Variants in SLCO2A1 observed in about 807,000 individuals in gnomAD.
SLCO2A1 encodes solute carrier organic anion transporter family member 2A1.
Under a neutral mutation model 71.7 loss-of-function variants are expected in SLCO2A1, and 60 were observed. That is an observed-to-expected ratio of 0.84 (90% CI 0.68 to 1.04). The LOEUF (loss-of-function observed/expected upper bound fraction) is 1.04, where lower values mean the gene tolerates loss of function less well. Ranked by LOEUF, SLCO2A1 falls within the 50% of genes least tolerant of loss-of-function variation. The pLI, the probability that SLCO2A1 is intolerant of heterozygous loss-of-function variation, is 0.00. For missense variants in SLCO2A1, 745 were observed against 813.4 expected, an observed-to-expected ratio of 0.92 and a Z score of 1.02; for synonymous variants, 308 against 326.7, an observed-to-expected ratio of 0.94 and a Z score of 0.62.
At chr3:133,998,025 G>A (rs926908616) in intron 1 of SLCO2A1, among the ~76,000 whole-genome samples, 3 of 152,148 alleles carry the variant, frequency 2.0e-5, no homozygotes, top group African/African-American at 7.2e-5. Flanking sequence ...GCCAGGGATC[G>A]CTCATCAGAA....
chr3:133,953,639 T>C, intron 5 of SLCO2A1, 24 bp downstream of exon 5: 1 of 1,585,044 alleles, frequency 6.3e-7, no homozygotes, highest in East Asian at 2.2e-5. Context: ...GGGATGGGAA[T>C]GGGTGTCCTC....
At chr3:133,953,526 G>A in intron 5 of SLCO2A1, 137 bp downstream of exon 5, 1 of 675,148 alleles carries the variant, frequency 1.5e-6, no homozygotes, top group Non-Finnish European at 2.7e-6. Flanking sequence ...AGGGACTGCA[G>A]GGATGAGTGA....
rs114797138 is a variant in SLCO2A1 at position 133,974,534 on chromosome 3, G to A, written c.235-709C>T. 4.6e-3 allele frequency among the ~76,000 whole-genome samples: 704 copies of A among 152,260 alleles called. 1 individual carries two copies. Among genetic ancestry groups the A allele is most frequent in the Non-Finnish European group, 8.6e-3 (585 of 68,028 alleles). On this transcript the variant is annotated intron_variant, in intron 2 of 13. Transcript: ENST00000310926. ...CTGCTACTATCCTGCCCTTTCCCCT[G>A]CCTTGGTCTGTTTTCAATTCTGTGA... is the stretch of plus-strand genomic sequence containing the variant.
chr3:133,962,058 C>T lies in SLCO2A1; in HGVS notation c.398-6865G>A, dbSNP rs534210800. ...TAGCTCACTCTGGTCAGAATAGAGT[C>T]TTCTAGAATTTATTTTTATTTTATT... On this transcript the variant is annotated intron_variant, in intron 3 of 13. Coordinates refer to ENST00000310926, the MANE Select transcript of SLCO2A1 (RefSeq NM_005630.3). 5.3e-5 allele frequency among the ~76,000 whole-genome samples: 8 copies of T among 152,284 alleles called. No homozygotes were observed. The South Asian group carries it at 1.5e-3, about 28-fold the overall frequency.
intron 1 of SLCO2A1, among the ~76,000 whole-genome samples, chr3:134,019,550 G>T (rs1935526328): frequency 6.6e-6 from 1 of 152,154 alleles, no homozygotes; most frequent in African/African-American, 2.4e-5. Flanking sequence ...TGACAGCACA[G>T]CATGGTTTAC....
chr3:133,938,929 A>G (rs1933345246), intron 11 of SLCO2A1, among the ~76,000 whole-genome samples: 2 of 152,066 alleles, frequency 1.3e-5, no homozygotes. Context: ...TGATAGCAGC[A>G]GGTCTGAACA....
At chr3:133,961,943 CG>C (rs1317269196) in intron 3 of SLCO2A1, among the ~76,000 whole-genome samples, 7 of 152,174 alleles carry the variant, frequency 4.6e-5, no homozygotes, top group African/African-American at 1.7e-4. Flanking sequence ...CGGCCTTATG[CG>C]GGGACAGGTG....
Position 133,945,184 on chromosome 3 carries a change from C to T in SLCO2A1, c.1372G>A (p.Val458Ile), listed in dbSNP as rs892909504. ...TACTCGATTCCATTGTCTCCACAGA[C>T]CGGGTGGAAGATAGAATCTGGGCAC... is the stretch of plus-strand genomic sequence containing the variant. The part of the protein sequence containing the change: ...CSCPDSIFHP[V>I]CGDNGIEYLS... Residue 458 changes from valine to isoleucine, a missense_variant, in exon 10 of 14, where the codon GTC becomes ATC. By Grantham distance (29) the Val-to-Ile change is conservative. Transcript: ENST00000310926. The T allele has an allele frequency of 5.0e-6, 8 of 1,614,158 alleles. No individual in the cohort carries two copies. The East Asian group carries it at 1.6e-4, about 31-fold the overall frequency.
chr3:134,010,621 G>T (rs913102311), intron 1 of SLCO2A1, among the ~76,000 whole-genome samples: 7 of 151,962 alleles, frequency 4.6e-5, no homozygotes, highest in Non-Finnish European at 1.0e-4. Flanking sequence ...GGGCATGGTG[G>T]CACGCACCTG....
At chr3:133,973,184 T>C (rs1934369490) in intron 3 of SLCO2A1, among the ~76,000 whole-genome samples, 1 of 152,198 alleles carries the variant, frequency 6.6e-6, no homozygotes, top group African/African-American at 2.4e-5. Context: ...CAATGTTAAA[T>C]ATAAGGGTAA....
chr3:134,013,936 T>C (rs1214070577), intron 1 of SLCO2A1, among the ~76,000 whole-genome samples: 4 of 152,120 alleles, frequency 2.6e-5, no homozygotes, highest in Admixed American at 2.0e-4. Flanking sequence ...AACTTCTTCA[T>C]TCCCTTCTAG....
chr3:133,936,348 T>A (rs1933270613), intron 12 of SLCO2A1, among the ~76,000 whole-genome samples: 1 of 152,074 alleles, frequency 6.6e-6, no homozygotes, highest in Non-Finnish European at 1.5e-5. Flanking sequence ...CCAAGAGAAG[T>A]CAAGGCCAGA....
At chr3:133,982,819 C>A (rs1934624769) in intron 1 of SLCO2A1, among the ~76,000 whole-genome samples, 1 of 152,092 alleles carries the variant, frequency 6.6e-6, no homozygotes, top group Non-Finnish European at 1.5e-5. Flanking sequence ...GGAGCTTTCT[C>A]AAGCACAAAC....
chr3:134,021,605 A>G (rs1201074947), intron 1 of SLCO2A1, among the ~76,000 whole-genome samples: 2 of 152,068 alleles, frequency 1.3e-5, no homozygotes, highest in East Asian at 3.9e-4. Context: ...AAAAGAGGCA[A>G]AGAGAGAGGA....
intron 1 of SLCO2A1, among the ~76,000 whole-genome samples, chr3:133,991,580 C>T (rs1416355985): frequency 1.3e-5 from 2 of 151,766 alleles, no homozygotes; most frequent in Admixed American, 1.3e-4. Flanking sequence ...TAGAAAAAGC[C>T]TTTGATAAGA....
rs533194974 is a variant in SLCO2A1, at chr3:134,010,614, CA to C, written c.96+19092del. On this transcript the variant is annotated intron_variant, in intron 1 of 13. Coordinates refer to ENST00000310926, the MANE Select transcript of SLCO2A1 (RefSeq NM_005630.3). ...TAAAAAAACGCAAAAATTAGCTGGG[CA>C]TGGTGGCACGCACCTGTAATTCCAG... Among the ~76,000 whole-genome samples, 11 of 152,032 alleles carry C rather than the reference CA, an allele frequency of 7.2e-5. No homozygotes were observed. In the East Asian group the frequency reaches 2.1e-3, roughly 30 times the overall value.
rs1360435556 is a variant in SLCO2A1, at chr3:133,945,170, A to G, written c.1386T>C (p.Asn462=). ...GGCAAGGGGAGAGGTACTCGATTCCATTGTCTCCACAGACCGGGTGGAAGA... is the reference window on the plus strand; with the variant it reads ...GGCAAGGGGAGAGGTACTCGATTCCGTTGTCTCCACAGACCGGGTGGAAGA... ...DSIFHPVCGD[N]GIEYLSPCHA... is the part of the protein sequence containing the mutation. The change falls in exon 10 of 14, where the codon AAT becomes AAC. Residue 462 remains asparagine, a synonymous_variant. Coordinates refer to ENST00000310926, the MANE Select transcript of SLCO2A1 (RefSeq NM_005630.3). 1 of 1,614,122 alleles carries G rather than the reference A, an allele frequency of 6.2e-7. No individual in the cohort carries two copies. Among genetic ancestry groups the G allele is most frequent in the Non-Finnish European group, 8.5e-7 (1 of 1,180,000 alleles).
chr3:133,938,591 C>A, intron 11 of SLCO2A1, 98 bp from the exon 12 acceptor site: 1 of 1,082,554 alleles, frequency 9.2e-7, no homozygotes, highest in East Asian at 2.4e-5. Context: ...AGAACCAGCC[C>A]TGATGTGGCC....
At chr3:134,010,492 G>A (rs1935311820) in intron 1 of SLCO2A1, among the ~76,000 whole-genome samples, 4 of 152,080 alleles carry the variant, frequency 2.6e-5, no homozygotes, top group African/African-American at 7.2e-5. Context: ...GGTGGCTCAC[G>A]CCTGTAATCC....
Sources: allele counts gnomAD v4.1 joint callset (sites outside exome capture counted in the v4.1 genomes callset), GRCh38; gene constraint gnomAD v4.1.1; transcripts MANE v1.5; gene names NCBI Gene and HGNC (gene_info 2026-07-23, HGNC 2026-07-21).